The following MRPL11 variants were observed in gnomAD, a reference collection of about 807,000 sequenced individuals.
MRPL11 encodes the protein mitochondrial ribosomal protein L11, also known as large ribosomal subunit protein uL11m.
A neutral mutation model predicts 19.1 loss-of-function variants in MRPL11; 21 were observed. The ratio of observed to expected loss-of-function variants is 1.10; its 90% CI spans 0.78 to 1.58. The LOEUF (loss-of-function observed/expected upper bound fraction) is 1.58. Ranked by LOEUF, MRPL11 falls within the 40% of genes most tolerant of loss-of-function variation. MRPL11 has a pLI of 0.00. For missense variants in MRPL11, 242 were observed against 243.9 expected (o/e 0.99, Z 0.05); for synonymous variants, 108 against 99.7 (o/e 1.08, Z -0.49).
In MRPL11 at chr11:66,438,227, C is replaced by G. The variant is rs1287002972; in HGVS notation, c.156G>C (p.Glu52Asp). Residue 52 changes from glutamate to aspartate, a missense_variant, in exon 2 of 5, where the codon GAG becomes GAC. Coordinates refer to ENST00000310999, the MANE Select transcript of MRPL11 (RefSeq NM_016050.5). Reference protein sequence around the residue: ...RGVSINQFCKEFNERTKDIKE... With the variant: ...RGVSINQFCKDFNERTKDIKE... ...TGATGTCCTTTGTCCTCTCATTGAA[C>G]TCCTTGCAAAACTGGTTGATGGAAA... The G allele has an allele frequency of 5.6e-6, 9 of 1,613,984 alleles. No individual in the cohort carries two copies. The highest frequency in any genetic ancestry group is 3.3e-5 in the Admixed American group (2 of 60,010).
Position 66,437,122 on chromosome 11 carries a change from C to T in MRPL11, c.455G>A (p.Gly152Asp). ...TACTTACTCCTTCACCACGCGAATG[C>T]CCAGAGAACGGGCAGACCCGATGAT... ...RSIIGSARSL[G>D]IRVVKDLSSE... The change falls in exon 4 of 5, where the codon GGC becomes GAC. Residue 152 changes from glycine (G) to aspartate (D), a missense_variant. Transcript: ENST00000310999. The T allele has an allele frequency of 6.2e-7, 1 of 1,614,174 alleles. No individual in the cohort carries two copies. The highest frequency in any genetic ancestry group is 8.5e-7 in the Non-Finnish European group (1 of 1,180,020).
Position 66,438,579 on chromosome 11 carries a change from T to C in MRPL11, c.123+53A>G, listed in dbSNP as rs527936840. ...GGGCCAGCGCCCTCCATCCGCGTCC[T>C]AGCTTCCACCATCCTAGACAACCCC... On this transcript the variant is annotated intron_variant, in intron 1 of 4. Coordinates refer to ENST00000310999, the MANE Select transcript of MRPL11 (RefSeq NM_016050.5). 1.1e-5 allele frequency: 17 copies of C among 1,486,898 alleles called. No individual in the cohort carries two copies. The African/African-American group carries it at 2.4e-4, about 21-fold the overall frequency. 92.1% of individuals were successfully genotyped at this position (1,486,898 alleles called of 1,614,324 possible).
At position 66,438,805 on chromosome 11, in the gene MRPL11, G is replaced by A; in HGVS notation, c.-51C>T. On this transcript the variant is annotated 5_prime_UTR_variant, in exon 1 of 5. Transcript: ENST00000310999. ...ACCTCAGGGGAGCAGCAAGAGCGAAGCTCTGGGCGCCACCATCTTGGGCCA... is the reference window on the plus strand; with the variant it reads ...ACCTCAGGGGAGCAGCAAGAGCGAAACTCTGGGCGCCACCATCTTGGGCCA... The A allele has an allele frequency of 4.9e-6, 7 of 1,422,210 alleles. No individual in the cohort carries two copies. Among genetic ancestry groups the A allele is most frequent in the Non-Finnish European group, 5.6e-6 (6 of 1,080,436 alleles). 88.1% of individuals were successfully genotyped at this position (1,422,210 alleles called of 1,614,324 possible).
At chr11:66,437,519 T>A in intron 2 of MRPL11, 76 bp from the exon 3 acceptor site, 1 of 1,330,306 alleles carries the variant, frequency 7.5e-7, no homozygotes. Context: ...TCTTGCCCCC[T>A]GCTTCCTTCA....
Position 66,435,833 on chromosome 11 carries a change from G to T in MRPL11, c.*174C>A. The stretch of plus-strand genomic sequence containing the variant: ...TGAGGTCCCAAGATAGAAGATGACA[G>T]TGGGTAAGAAAGGATGTTTATTCAG... On this transcript the variant is annotated 3_prime_UTR_variant, in exon 5 of 5. Transcript: ENST00000310999. 5.2e-6 allele frequency: 3 copies of T among 581,494 alleles called. No individual in the cohort carries two copies. Among genetic ancestry groups the T allele is most frequent in the East Asian group, 2.9e-5 (1 of 34,338 alleles). 36.0% of individuals were successfully genotyped at this position (581,494 alleles called of 1,614,324 possible). A position where few individuals can be genotyped will look rare whatever the true frequency, so the allele number is the denominator to read the frequency against.
At chr11:66,437,880 AAAAG>A (rs2134662488) in intron 2 of MRPL11, among the ~76,000 whole-genome samples, 2 of 152,306 alleles carry the variant, frequency 1.3e-5, no homozygotes, top group South Asian at 4.1e-4. Flanking sequence ...ATCTCAGAAA[AAAAG>A]AAAGAAAAAA....
chr11:66,436,246 G>A (rs1856966637), intron 4 of MRPL11, 134 bp from the exon 5 acceptor site: 9 of 656,236 alleles, frequency 1.4e-5, no homozygotes, highest in Non-Finnish European at 2.4e-5. Context: ...CTGCCTCCCT[G>A]ACTTCCCAGC....
Position 66,435,786 on chromosome 11 carries a change from C to T in MRPL11, c.*221G>A. 1.9e-6 allele frequency: 1 copy of T among 514,842 alleles called. No individual in the cohort carries two copies. The highest frequency in any genetic ancestry group is 3.5e-6 in the Non-Finnish European group (1 of 282,818). The allele number at this position is 514,842 out of a possible 1,614,324, so 31.9% of individuals were successfully genotyped here. ...CCTAATGTCTGCCCATATTGGCTAC[C>T]ACCAGTACTGGTTCCCTTCCCTGAG... On this transcript the variant is annotated 3_prime_UTR_variant, in exon 5 of 5. Transcript: ENST00000310999.
In MRPL11 at chr11:66,435,729, A is replaced by G. The variant is rs952210438; in HGVS notation, c.*278T>C. 1 of 294,014 alleles carries G rather than the reference A, an allele frequency of 3.4e-6. No homozygotes were observed. Among genetic ancestry groups the G allele is most frequent in the African/African-American group, 2.2e-5 (1 of 46,312 alleles). The allele number at this position is 294,014 out of a possible 1,614,324, so 18.2% of individuals were successfully genotyped here. A position where few individuals can be genotyped will look rare whatever the true frequency, so the allele number is the denominator to read the frequency against. The stretch of plus-strand genomic sequence containing the variant: ...TTTGCTTGGCTGAACCTCAGTTTGC[A>G]CATCTGAGAAGCAGTATGAAGACCC... On this transcript the variant is annotated 3_prime_UTR_variant, in exon 5 of 5. Transcript: ENST00000310999.
chr11:66,436,428 G>A (rs1341884590), intron 4 of MRPL11, among the ~76,000 whole-genome samples: 1 of 152,028 alleles, frequency 6.6e-6, no homozygotes, highest in African/African-American at 2.4e-5. Context: ...ATGACGTCAC[G>A]GGGCTGAGCA....
intron 2 of MRPL11, 86 bp from the exon 3 acceptor site, chr11:66,437,529 A>G (rs190586127): frequency 2.4e-6 from 3 of 1,229,492 alleles, no homozygotes; most frequent in African/African-American, 1.5e-5. Context: ...TGCTTCCTTC[A>G]TCTCACTTTC....
chr11:66,438,355 C>A, intron 1 of MRPL11, 96 bp from the exon 2 acceptor site: 10 of 1,092,950 alleles, frequency 9.1e-6, no homozygotes, highest in Non-Finnish European at 1.4e-5. Context: ...CTTCACTTCT[C>A]TGGGTTCCCA....
In MRPL11 at chr11:66,438,737, C is replaced by G; in HGVS notation, c.18G>C (p.Arg6=). Residue 6 remains arginine, a synonymous_variant, in exon 1 of 5, where the codon CGG becomes CGC. Transcript: ENST00000310999. ...CGGGCTTCCTGAGGCCCCGGGCGGC[C>G]CGGCCGAGCTTTGACATGATGCGGG... The part of the protein sequence containing the change: MSKLG[R]AARGLRKPEV... The G allele has an allele frequency of 6.4e-7, 1 of 1,571,714 alleles. No homozygotes were observed. The highest frequency in any genetic ancestry group is 8.6e-7 in the Non-Finnish European group (1 of 1,158,312).
At chr11:66,436,191 G>A in intron 4 of MRPL11, 79 bp from the exon 5 acceptor site, 1 of 1,248,314 alleles carries the variant, frequency 8.0e-7, no homozygotes. Context: ...TCTTGCAGGG[G>A]CTTGAAGGGG....
rs527341606 is a variant in MRPL11, at chr11:66,436,427, C to T, written c.474-315G>A. On this transcript the variant is annotated intron_variant, in intron 4 of 4. Transcript: ENST00000310999. ...CAGAATATGCTGTACAATGACGTCACGGGGCTGAGCATGTGTGTCTCTCCC... is the reference window on the plus strand; with the variant it reads ...CAGAATATGCTGTACAATGACGTCATGGGGCTGAGCATGTGTGTCTCTCCC... 4.6e-5 allele frequency among the ~76,000 whole-genome samples: 7 copies of T among 152,092 alleles called. No individual in the cohort carries two copies. In the South Asian group the frequency reaches 6.2e-4, roughly 14 times the overall value.
Position 66,437,451 on chromosome 11 carries a change from G to A in MRPL11, c.220-8C>T, listed in dbSNP as rs1318101570. The A allele has an allele frequency of 1.4e-5, 22 of 1,613,204 alleles. No individual in the cohort carries two copies. The highest frequency in any genetic ancestry group is 1.7e-5 in the Non-Finnish European group (20 of 1,179,400). ...TTCAAATGTCCTGTCAGGCTTAACA[G>A]AAAAAAGAAATATGAGATTCTCTCT... On this transcript the variant is annotated splice_region_variant and splice_polypyrimidine_tract_variant and intron_variant, in intron 2 of 4. Coordinates refer to ENST00000310999, the MANE Select transcript of MRPL11 (RefSeq NM_016050.5).
intron 4 of MRPL11, chr11:66,436,843 T>C (rs1369504661): frequency 6.2e-7 from 1 of 1,614,122 alleles, no homozygotes; most frequent in South Asian, 1.1e-5. Flanking sequence ...CAGGTCACAC[T>C]GAACTTCTCC....
At chr11:66,437,755 T>C (rs1043251943) in intron 2 of MRPL11, among the ~76,000 whole-genome samples, 1 of 152,084 alleles carries the variant, frequency 6.6e-6, no homozygotes, top group Non-Finnish European at 1.5e-5. Flanking sequence ...GCGCCTGTAA[T>C]CCTAGCTACT....
Position 66,438,777 on chromosome 11 carries a change from T to C in MRPL11, c.-23A>G, listed in dbSNP as rs549737073. 4 of 1,523,872 alleles carry C rather than the reference T, an allele frequency of 2.6e-6. No homozygotes were observed. The South Asian group carries it at 3.7e-5, about 14-fold the overall frequency. The allele number at this position is 1,523,872 out of a possible 1,614,324, so 94.4% of individuals were successfully genotyped here. ...CATGATGCGGGGCTGCTGGCTTCAG[T>C]TCACCTCAGGGGAGCAGCAAGAGCG... On this transcript the variant is annotated 5_prime_UTR_variant, in exon 1 of 5. Transcript: ENST00000310999.
Sources: allele counts gnomAD v4.1 joint callset (sites outside exome capture counted in the v4.1 genomes callset), GRCh38; gene constraint gnomAD v4.1.1; transcripts MANE v1.5; gene names NCBI Gene and HGNC (gene_info 2026-07-23, HGNC 2026-07-21).